The following KLF9 variants were observed in gnomAD, a reference collection of about 807,000 sequenced individuals.
KLF9 encodes Krueppel-like factor 9.
In KLF9, 2 loss-of-function variants were observed where a neutral mutation model predicts 17.3. The ratio of observed to expected loss-of-function variants is 0.12; its 90% CI spans 0.05 to 0.36. The LOEUF is 0.36. Ranked by LOEUF, KLF9 falls within the 10% of genes least tolerant of loss-of-function variation. The pLI is 1.00. For missense variants in KLF9, 226 were observed against 333.2 expected (o/e 0.68, Z 2.51); for synonymous variants, 138 against 139.2 (o/e 0.99, Z 0.06).
Position 70,413,031 on chromosome 9 carries a change from C to G in KLF9, c.333G>C (p.Pro111=), listed in dbSNP as rs529189707. The G allele has an allele frequency of 6.2e-7, 1 of 1,613,966 alleles. No homozygotes were observed. The highest frequency in any genetic ancestry group is 1.3e-5 in the African/African-American group (1 of 74,916). The change falls in exon 1 of 2, where the codon CCG becomes CCC. Residue 111 remains proline (P), a synonymous_variant. Transcript: ENST00000377126. The surrounding 1 kb of genome is among the most constrained non-coding windows in gnomAD (Gnocchi z 5.6). ...CGCTGCCAGGATCCTGTCTCTCCTC[C>G]GGGCTGTGGGAAGGACTCGACCCAG... The part of the protein sequence containing the change: ...TESGSSPSHS[P]EERQDPGSAP...
At position 70,387,634 on chromosome 9, in the gene KLF9, A is replaced by C; in HGVS notation, c.*142T>G. On this transcript the variant is annotated 3_prime_UTR_variant, in exon 2 of 2. Coordinates refer to ENST00000377126, the MANE Select transcript of KLF9 (RefSeq NM_001206.4). ...TTTAAAAACAATGCAGGGAGAGGAA[A>C]ATCAGAATATTGACCAAAGAGCAGT... 2 of 677,810 alleles carry C rather than the reference A, an allele frequency of 3.0e-6. No individual in the cohort carries two copies. The highest frequency in any genetic ancestry group is 5.1e-6 in the Non-Finnish European group (2 of 393,984). The allele number at this position is 677,810 out of a possible 1,614,324, so 42.0% of individuals were successfully genotyped here.
intron 1 of KLF9, among the ~76,000 whole-genome samples, chr9:70,393,345 G>A (rs932307025): frequency 6.6e-6 from 1 of 152,050 alleles, no homozygotes; most frequent in East Asian, 1.9e-4. Context: ...ATTTTTTTGT[G>A]GGCAGTCCTG....
chr9:70,399,640 C>T (rs1587740723), intron 1 of KLF9, among the ~76,000 whole-genome samples: 1 of 152,130 alleles, frequency 6.6e-6, no homozygotes, highest in Non-Finnish European at 1.5e-5. Flanking sequence ...CCAAGGACGC[C>T]CTGCACAATA....
chr9:70,400,502 C>T (rs956231349), intron 1 of KLF9, among the ~76,000 whole-genome samples: 10 of 152,152 alleles, frequency 6.6e-5, no homozygotes, highest in Admixed American at 2.6e-4. Flanking sequence ...ATTTTGCAAA[C>T]ATTTAGCCAA....
At chr9:70,406,449 A>T (rs964505824) in intron 1 of KLF9, among the ~76,000 whole-genome samples, 6 of 152,172 alleles carry the variant, frequency 3.9e-5, no homozygotes, top group African/African-American at 1.4e-4. Flanking sequence ...AAAATGATGG[A>T]TGTGATGACC....
chr9:70,413,960 A>G lies in KLF9; in HGVS notation c.-597T>C, dbSNP rs1203717850. 4 of 152,552 alleles carry G rather than the reference A, an allele frequency of 2.6e-5. No individual in the cohort carries two copies. Among genetic ancestry groups the G allele is most frequent in the African/African-American group, 4.8e-5 (2 of 41,384 alleles). 9.4% of individuals were successfully genotyped at this position (152,552 alleles called of 1,614,324 possible). On this transcript the variant is annotated 5_prime_UTR_variant, in exon 1 of 2. Coordinates refer to ENST00000377126, the MANE Select transcript of KLF9 (RefSeq NM_001206.4). This position sits in a 1 kb window ranked among gnomAD's most constrained non-coding sequence, Gnocchi z 5.6. ...TCCGGCATTCTCTTGCTCAGTAACA[A>G]TTTCGCAGAATCCCATCACGTCACA...
At position 70,413,016 on chromosome 9, in the gene KLF9, A is replaced by G. The variant is rs2037338163; in HGVS notation, c.348T>C (p.Asp116=). The part of the protein sequence containing the change: ...SPSHSPEERQ[D]PGSAPSPLSL... ...AGAGCGGGCTGGGCGCGCTGCCAGG[A>G]TCCTGTCTCTCCTCCGGGCTGTGGG... The change falls in exon 1 of 2, where the codon GAT becomes GAC. Residue 116 remains aspartate (D), a synonymous_variant. Coordinates refer to ENST00000377126, the MANE Select transcript of KLF9 (RefSeq NM_001206.4). This position sits in a 1 kb window ranked among gnomAD's most constrained non-coding sequence, Gnocchi z 5.6. 6.2e-7 allele frequency: 1 copy of G among 1,614,070 alleles called. No individual in the cohort carries two copies. The highest frequency in any genetic ancestry group is 8.5e-7 in the Non-Finnish European group (1 of 1,180,004).
In KLF9 at chr9:70,412,839, G is replaced by T. The variant is rs1225439277; in HGVS notation, c.505+20C>A. ...GTTAACTAACCCCAGAGCTCCGGGG[G>T]AGAGGGCGACGCCGCTAACCTGTAT... On this transcript the variant is annotated intron_variant, in intron 1 of 1. Coordinates refer to ENST00000377126, the MANE Select transcript of KLF9 (RefSeq NM_001206.4). 1 of 1,536,744 alleles carries T rather than the reference G, an allele frequency of 6.5e-7. No individual in the cohort carries two copies. The highest frequency in any genetic ancestry group is 1.3e-5 in the South Asian group (1 of 78,580).
intron 1 of KLF9, among the ~76,000 whole-genome samples, chr9:70,408,720 AG>A (rs2037274260): frequency 6.6e-6 from 1 of 152,124 alleles, no homozygotes; most frequent in Non-Finnish European, 1.5e-5. Context: ...GAAGAGTGCA[AG>A]AAGCTCAGGG....
rs2037296438 is a variant in KLF9 at position 70,409,752 on chromosome 9, CT to C, written c.505+3106del. Among the ~76,000 whole-genome samples the C allele has an allele frequency of 6.6e-5, 10 of 152,084 alleles. No homozygotes were observed. In the South Asian group the frequency reaches 2.1e-3, roughly 32 times the overall value. ...GTATATTTGTTGCATCTTTTGTTTT[CT>C]TTAGATTAACAATGGATCCACTGCT... On this transcript the variant is annotated intron_variant, in intron 1 of 1. Transcript: ENST00000377126.
intron 1 of KLF9, among the ~76,000 whole-genome samples, chr9:70,406,800 G>A (rs1392391003): frequency 6.6e-6 from 1 of 151,876 alleles, no homozygotes; most frequent in Non-Finnish European, 1.5e-5. Flanking sequence ...TGGGAGGGTC[G>A]GATGTGGGGG....
At chr9:70,396,541 C>T (rs1173450762) in intron 1 of KLF9, among the ~76,000 whole-genome samples, 1 of 152,126 alleles carries the variant, frequency 6.6e-6, no homozygotes, top group Non-Finnish European at 1.5e-5. Flanking sequence ...GTAATCCTAA[C>T]ACTTTGGGAG....
At chr9:70,410,686 C>T (rs1564089741) in intron 1 of KLF9, among the ~76,000 whole-genome samples, 1 of 152,210 alleles carries the variant, frequency 6.6e-6, no homozygotes, top group Non-Finnish European at 1.5e-5. Context: ...CAAATGCCAT[C>T]TCTGCCCACC....
intron 1 of KLF9, among the ~76,000 whole-genome samples, chr9:70,409,225 T>C (rs2037293306): frequency 7.7e-6 from 1 of 130,476 alleles, no homozygotes; most frequent in Non-Finnish European, 1.6e-5. Context: ...TATATGTATA[T>C]ATATATACTG....
chr9:70,385,924 T>A lies in KLF9; in HGVS notation c.*1852A>T, dbSNP rs571539762. 2 of 152,328 alleles carry A rather than the reference T, an allele frequency of 1.3e-5. No individual in the cohort carries two copies. The highest frequency in any genetic ancestry group is 3.9e-4 in the East Asian group (2 of 5,180). 9.4% of individuals were successfully genotyped at this position (152,328 alleles called of 1,614,324 possible). ...GCAGTTCTCTTTATAGAACTACTAA[T>A]ACAACTACGTTGGTTAAACAAAAAA... On this transcript the variant is annotated 3_prime_UTR_variant, in exon 2 of 2. Transcript: ENST00000377126.
chr9:70,409,095 T>TACAC (rs2037284964), intron 1 of KLF9, among the ~76,000 whole-genome samples: 1 of 89,222 alleles, frequency 1.1e-5, no homozygotes, highest in East Asian at 2.4e-4. Context: ...CATATATGTA[T>TACAC]ATATATGTGT....
chr9:70,405,215 G>T (rs1416730065), intron 1 of KLF9, among the ~76,000 whole-genome samples: 1 of 152,106 alleles, frequency 6.6e-6, no homozygotes, highest in Non-Finnish European at 1.5e-5. Context: ...TATTCCACTG[G>T]TTCCCACTTT....
intron 1 of KLF9, among the ~76,000 whole-genome samples, chr9:70,408,996 A>C (rs534547249): frequency 1.2e-5 from 1 of 83,468 alleles, no homozygotes; most frequent in Non-Finnish European, 2.4e-5. Context: ...ATATATATAT[A>C]TGTGTATATA....
intron 1 of KLF9, among the ~76,000 whole-genome samples, chr9:70,391,448 C>A (rs774649984): frequency 2.0e-5 from 3 of 152,130 alleles, no homozygotes; most frequent in Non-Finnish European, 4.4e-5. Flanking sequence ...TGTCATTGAC[C>A]TAGCGTCCTT....
Sources: allele counts gnomAD v4.1 joint callset (sites outside exome capture counted in the v4.1 genomes callset), GRCh38; gene constraint gnomAD v4.1.1; non-coding constraint Gnocchi (gnomAD v3.1); transcripts MANE v1.5; gene names NCBI Gene and HGNC (gene_info 2026-07-23, HGNC 2026-07-21).